The following RASA3 variants were observed in gnomAD, a reference collection of about 807,000 sequenced individuals.
RASA3 encodes ras GTPase-activating protein 3.
A neutral mutation model predicts 110.0 loss-of-function variants in RASA3; 73 were observed. The observed-to-expected ratio is 0.66, with a 90% CI of 0.55 to 0.81. The LOEUF (loss-of-function observed/expected upper bound fraction) is 0.81. Among genes scored for constraint, RASA3 ranks in the 30% least tolerant of loss-of-function variants. RASA3 has a pLI of 0.00. For missense variants in RASA3, 976 were observed against 1,113.2 expected, an observed-to-expected ratio of 0.88 and a Z score of 1.75; for synonymous variants, 500 against 451.4, an observed-to-expected ratio of 1.11 and a Z score of -1.37.
chr13:114,098,367 G>A (rs1574170), intron 1 of RASA3, among the ~76,000 whole-genome samples: 31,793 of 152,000 alleles, frequency 0.21, 3,463 homozygotes, highest in East Asian at 0.31. Flanking sequence ...CCCAGGGTCT[G>A]CGTGCCCAGC....
intron 20 of RASA3, among the ~76,000 whole-genome samples, chr13:113,997,243 T>C (rs900389832): frequency 1.1e-4 from 17 of 152,172 alleles, no homozygotes; most frequent in African/African-American, 4.1e-4. Context: ...GGCTGCTTCC[T>C]CTTGAAGCGT....
chr13:113,989,908 T>G (rs931299719), intron 22 of RASA3, among the ~76,000 whole-genome samples: 1 of 152,248 alleles, frequency 6.6e-6, no homozygotes, highest in South Asian at 2.1e-4. Context: ...TGATGTGGTT[T>G]GGATTTGTGT....
At chr13:114,002,776 G>A (rs977444015) in intron 18 of RASA3, among the ~76,000 whole-genome samples, 2 of 152,188 alleles carry the variant, frequency 1.3e-5, no homozygotes, top group African/African-American at 4.8e-5. Flanking sequence ...TGGCTCTCCA[G>A]GAGTCGGTTT....
rs960373413 is a variant in RASA3 at position 114,115,058 on chromosome 13, C to T, written c.55+17377G>A. 3.3e-5 allele frequency among the ~76,000 whole-genome samples: 5 copies of T among 151,662 alleles called. No homozygotes were observed. The highest frequency in any genetic ancestry group is 1.2e-4 in the African/African-American group (5 of 41,218). Reference sequence around the variant, plus strand: ...GTGAGATGCTGCAGGTTCCCCAGCCCCACCCCCAGCTGTGAGATGCTGCAG... The same window carrying T: ...GTGAGATGCTGCAGGTTCCCCAGCCTCACCCCCAGCTGTGAGATGCTGCAG... On this transcript the variant is annotated intron_variant, in intron 1 of 23. Coordinates refer to ENST00000334062, the MANE Select transcript of RASA3 (RefSeq NM_007368.4). The surrounding 1 kb of genome is among the most constrained non-coding windows in gnomAD (Gnocchi z 5.0).
In RASA3 at chr13:114,095,099, A is replaced by T. The variant is rs61223374; in HGVS notation, c.56-21262T>A. ...AGCGGAATTTACTATTTAGTAACCC[A>T]TCAGTGAAGTTCACACAGGAAAGTC... On this transcript the variant is annotated intron_variant, in intron 1 of 23. Transcript: ENST00000334062. Among the ~76,000 whole-genome samples, 523 of 152,368 alleles carry T rather than the reference A, an allele frequency of 3.4e-3. 6 individuals are homozygous for T. The highest frequency in any genetic ancestry group is 0.02 in the Middle Eastern group (6 of 294).
chr13:114,102,165 T>A (rs1347351805), intron 1 of RASA3, among the ~76,000 whole-genome samples: 1 of 152,062 alleles, frequency 6.6e-6, no homozygotes, highest in Non-Finnish European at 1.5e-5. Flanking sequence ...CTTCTTCCAG[T>A]GCCAGAAAAC....
chr13:114,008,498 C>A (rs1206005520), intron 17 of RASA3, among the ~76,000 whole-genome samples: 2 of 16,730 alleles, frequency 1.2e-4, no homozygotes, highest in Admixed American at 4.9e-4. Flanking sequence ...AGGTTGCCCC[C>A]ACGCACCGCG....
In RASA3 at chr13:114,015,344, C is replaced by G. The variant is rs1365843174; in HGVS notation, c.1282-12G>C. ...TGCCGTAGGTTCTCCTGCAACGGGA[C>G]ACGGCACTGGGACCCACTCCCGAGG... On this transcript the variant is annotated splice_polypyrimidine_tract_variant and intron_variant, in intron 13 of 23. Coordinates refer to ENST00000334062, the MANE Select transcript of RASA3 (RefSeq NM_007368.4). The G allele has an allele frequency of 1.2e-6, 2 of 1,612,290 alleles. No homozygotes were observed. The highest frequency in any genetic ancestry group is 2.7e-5 in the African/African-American group (2 of 75,064).
At chr13:114,105,049 C>T (rs189643550) in intron 1 of RASA3, among the ~76,000 whole-genome samples, 47 of 152,152 alleles carry the variant, frequency 3.1e-4, no homozygotes, top group African/African-American at 7.7e-4. Context: ...GGCCAATTGG[C>T]GCACCCTCCT....
At chr13:114,041,298 G>A (rs998489348) in intron 3 of RASA3, among the ~76,000 whole-genome samples, 3 of 152,262 alleles carry the variant, frequency 2.0e-5, no homozygotes, top group African/African-American at 4.8e-5. Context: ...CAGCCTGAGC[G>A]ATATGGTGAA....
chr13:114,036,701 C>A (rs561546330), intron 4 of RASA3, among the ~76,000 whole-genome samples: 2 of 152,326 alleles, frequency 1.3e-5, no homozygotes, highest in Non-Finnish European at 2.9e-5. Context: ...CCACGCCCGG[C>A]TAATTTTGTA....
intron 1 of RASA3, among the ~76,000 whole-genome samples, chr13:114,087,892 G>C (rs772272261): frequency 1.1e-4 from 16 of 152,258 alleles, no homozygotes; most frequent in Non-Finnish European, 2.2e-4. Flanking sequence ...AATTTTGAGA[G>C]GCTGAGGCTG....
intron 1 of RASA3, among the ~76,000 whole-genome samples, chr13:114,122,896 G>A (rs1225372362): frequency 3.3e-5 from 5 of 152,190 alleles, no homozygotes; most frequent in Admixed American, 1.3e-4. Flanking sequence ...CCCAGCCAAC[G>A]CTGCATGAGA....
At chr13:114,087,575 C>T (rs1413871500) in intron 1 of RASA3, among the ~76,000 whole-genome samples, 3 of 152,264 alleles carry the variant, frequency 2.0e-5, no homozygotes, top group East Asian at 3.8e-4. Flanking sequence ...TCTGCAGCCC[C>T]GGCCTGCGCC....
intron 1 of RASA3, among the ~76,000 whole-genome samples, chr13:114,108,312 G>A (rs1429267229): frequency 4.9e-4 from 40 of 81,178 alleles, no homozygotes; most frequent in Non-Finnish European, 4.5e-4. Context: ...CTGTCACCCT[G>A]AAACCATCAC....
intron 4 of RASA3, among the ~76,000 whole-genome samples, chr13:114,039,837 C>G (rs1020407973): frequency 1.3e-5 from 2 of 152,218 alleles, no homozygotes; most frequent in Non-Finnish European, 2.9e-5. Flanking sequence ...ACAAGCTCCC[C>G]CCACTGGACA....
At chr13:114,069,447 CGGGAGACTTGGGGGGCT>C (rs1479857113) in intron 2 of RASA3, among the ~76,000 whole-genome samples, 13 of 78,616 alleles carry the variant, frequency 1.7e-4, no homozygotes, top group East Asian at 1.1e-3. Flanking sequence ...ACTCAGGGAC[CGGGAGACTTGGGGGGCT>C]GGGAGACTCG....
intron 5 of RASA3, among the ~76,000 whole-genome samples, chr13:114,028,142 G>A (rs1329846648): frequency 1.3e-5 from 2 of 151,904 alleles, no homozygotes; most frequent in Non-Finnish European, 2.9e-5. Flanking sequence ...TCTAAGGTGA[G>A]CATGTGCTTT....
intron 1 of RASA3, among the ~76,000 whole-genome samples, chr13:114,090,682 CAT>C (rs1347329734): frequency 6.6e-6 from 1 of 152,228 alleles, no homozygotes; most frequent in Non-Finnish European, 1.5e-5. Context: ...GACAAGCACA[CAT>C]GCCTGACGGG....
Sources: allele counts gnomAD v4.1 joint callset (sites outside exome capture counted in the v4.1 genomes callset), GRCh38; gene constraint gnomAD v4.1.1; non-coding constraint Gnocchi (gnomAD v3.1); transcripts MANE v1.5; gene names NCBI Gene and HGNC (gene_info 2026-07-23, HGNC 2026-07-21).